The following ABCA13 variants were observed in gnomAD, a reference collection of about 807,000 sequenced individuals.
The protein encoded by ABCA13 is ATP binding cassette subfamily A member 13, also known as ATP-binding cassette sub-family A member 13.
ABCA13 carries 476 observed loss-of-function variants against 478.7 expected under a neutral mutation model. The observed-to-expected ratio is 0.99, with a 90% CI of 0.92 to 1.07. ABCA13 has a LOEUF of 1.07. Ranked by LOEUF, ABCA13 falls within the 50% of genes least tolerant of loss-of-function variation. The probability of loss-of-function intolerance (pLI) is 0.00; values close to 1 mark genes in which losing one functional copy is unlikely to be tolerated. For missense variants in ABCA13, 6,060 were observed against 5,910.6 expected, an observed-to-expected ratio of 1.03 and a Z score of -0.83; for synonymous variants, 2,252 against 2,158.9, an observed-to-expected ratio of 1.04 and a Z score of -1.20.
chr7:48,296,824 G>C (rs921494901), intron 21 of ABCA13, among the ~76,000 whole-genome samples: 1 of 152,174 alleles, frequency 6.6e-6, no homozygotes, highest in African/African-American at 2.4e-5. Flanking sequence ...AAAGTGTAAA[G>C]CACCAGAAGG....
chr7:48,317,803 G>A (rs1802808498), intron 27 of ABCA13, among the ~76,000 whole-genome samples: 1 of 152,232 alleles, frequency 6.6e-6, no homozygotes, highest in South Asian at 2.1e-4. Context: ...CACCAAAGCA[G>A]GGTGTATCCA....
At chr7:48,575,629 G>C (rs17132463) in intron 55 of ABCA13, among the ~76,000 whole-genome samples, 10,241 of 152,182 alleles carry the variant, frequency 0.067, 445 homozygotes, top group African/African-American at 0.12. Flanking sequence ...GTAGAGGATG[G>C]AGAGATACAT....
chr7:48,219,744 A>C (rs1424902657), intron 4 of ABCA13, among the ~76,000 whole-genome samples: 1 of 152,176 alleles, frequency 6.6e-6, no homozygotes, highest in Non-Finnish European at 1.5e-5. Context: ...CATAACCTTC[A>C]GAGGGCTGCA....
At chr7:48,353,610 GAC>G (rs941470124) in intron 31 of ABCA13, among the ~76,000 whole-genome samples, 5 of 151,588 alleles carry the variant, frequency 3.3e-5, no homozygotes, top group African/African-American at 1.2e-4. Flanking sequence ...GTGACTGGGC[GAC>G]ACACACGTGA....
chr7:48,558,212 A>ACTTTCT (rs1244140878), intron 55 of ABCA13, among the ~76,000 whole-genome samples: 5 of 89,314 alleles, frequency 5.6e-5, no homozygotes, highest in Non-Finnish European at 8.6e-5. Flanking sequence ...TCTCCCTTTC[A>ACTTTCT]CTTTCTCTTT....
intron 41 of ABCA13, among the ~76,000 whole-genome samples, chr7:48,424,628 G>A (rs983166576): frequency 6.6e-6 from 1 of 152,164 alleles, no homozygotes; most frequent in Admixed American, 6.5e-5. Context: ...GAAATTCTAT[G>A]TCCAGAATTC....
At chr7:48,466,498 T>G (rs1826889735) in intron 43 of ABCA13, among the ~76,000 whole-genome samples, 1 of 152,250 alleles carries the variant, frequency 6.6e-6, no homozygotes, top group African/African-American at 2.4e-5. Context: ...TTTCTTACAT[T>G]AGAAATTGTT....
At chr7:48,175,654 C>A (rs1794747227) in intron 1 of ABCA13, among the ~76,000 whole-genome samples, 1 of 152,196 alleles carries the variant, frequency 6.6e-6, no homozygotes, top group Non-Finnish European at 1.5e-5. Flanking sequence ...CTCCTGACCT[C>A]AGGGGAGCCA....
At chr7:48,585,721 A>G (rs1482586244) in intron 56 of ABCA13, among the ~76,000 whole-genome samples, 1 of 152,196 alleles carries the variant, frequency 6.6e-6, no homozygotes, top group Non-Finnish European at 1.5e-5. Flanking sequence ...TTAGTCCTAT[A>G]GAATTTTTCC....
chr7:48,345,963 G>A (rs1356625905), intron 29 of ABCA13, among the ~76,000 whole-genome samples: 1 of 152,090 alleles, frequency 6.6e-6, no homozygotes. Flanking sequence ...GTTTAGATAT[G>A]TTTAGATAAA....
chr7:48,546,290 T>C (rs940137990), intron 55 of ABCA13, among the ~76,000 whole-genome samples: 4 of 151,850 alleles, frequency 2.6e-5, no homozygotes, highest in African/African-American at 9.7e-5. Flanking sequence ...GCAGCACAGA[T>C]ACAAAACATT....
intron 9 of ABCA13, among the ~76,000 whole-genome samples, chr7:48,240,055 A>T (rs550065101): frequency 6.6e-6 from 1 of 152,326 alleles, no homozygotes; most frequent in Admixed American, 6.5e-5. Flanking sequence ...TTGTTTTATC[A>T]GGCTTTGCCG....
chr7:48,417,473 T>C (rs1439495039), intron 41 of ABCA13, among the ~76,000 whole-genome samples: 2 of 152,204 alleles, frequency 1.3e-5, no homozygotes, highest in East Asian at 3.8e-4. Context: ...TCGGGGACAA[T>C]CTGGACAAAT....
chr7:48,553,180 A>G (rs1585787085), intron 55 of ABCA13, among the ~76,000 whole-genome samples: 1 of 152,084 alleles, frequency 6.6e-6, no homozygotes, highest in African/African-American at 2.4e-5. Flanking sequence ...TCCACTGTGT[A>G]TATGTGCCAC....
At chr7:48,344,870 A>C (rs945007609) in intron 29 of ABCA13, among the ~76,000 whole-genome samples, 1 of 152,192 alleles carries the variant, frequency 6.6e-6, no homozygotes, top group African/African-American at 2.4e-5. Flanking sequence ...TTTTTATTAT[A>C]TCTAGTCCAT....
chr7:48,474,076 C>T (rs1827818429), intron 45 of ABCA13, among the ~76,000 whole-genome samples: 1 of 151,582 alleles, frequency 6.6e-6, no homozygotes, highest in South Asian at 2.1e-4. Flanking sequence ...GTTTTTTTTC[C>T]CCTGGTCTTG....
At chr7:48,420,979 A>G (rs1820663888) in intron 41 of ABCA13, among the ~76,000 whole-genome samples, 2 of 152,124 alleles carry the variant, frequency 1.3e-5, no homozygotes, top group Non-Finnish European at 2.9e-5. Context: ...ATTTTGCACA[A>G]TGAGCCTCAA....
chr7:48,358,561 A>G (rs117455967), intron 31 of ABCA13, among the ~76,000 whole-genome samples: 1 of 152,080 alleles, frequency 6.6e-6, no homozygotes, highest in East Asian at 1.9e-4. Flanking sequence ...ATTCACTCAT[A>G]TAGTTATTCC....
At chr7:48,352,108 C>A in intron 30 of ABCA13, 73 bp from the exon 31 acceptor site, 1 of 1,444,540 alleles carries the variant, frequency 6.9e-7, no homozygotes, top group Non-Finnish European at 9.4e-7. Flanking sequence ...TTTCCTGTCT[C>A]ACCCAGTGTA....
Sources: gnomAD v4.1 joint callset for allele counts (sites outside exome capture counted in the v4.1 genomes callset) on GRCh38, gnomAD v4.1.1 for gene constraint, MANE v1.5 for transcripts, NCBI Gene and HGNC (gene_info 2026-07-23, HGNC 2026-07-21) for gene names.